The following SEMA6D variants were observed in gnomAD, a reference collection of about 807,000 sequenced individuals.
SEMA6D encodes semaphorin-6D.
SEMA6D carries 35 observed loss-of-function variants against 106.6 expected under a neutral mutation model. The observed-to-expected ratio is 0.33, with a 90% CI of 0.25 to 0.44. The LOEUF is 0.44. SEMA6D is among the 20% of genes least tolerant of loss of function. The probability of loss-of-function intolerance (pLI) is 1.00; values close to 1 mark genes in which losing one functional copy is unlikely to be tolerated. For missense variants in SEMA6D, 1,185 were observed against 1,345.9 expected, an observed-to-expected ratio of 0.88 and a Z score of 1.87; for synonymous variants, 499 against 487.7, an observed-to-expected ratio of 1.02 and a Z score of -0.31.
At chr15:47,314,848 T>A (rs1267496499) in intron 1 of SEMA6D, among the ~76,000 whole-genome samples, 2 of 105,518 alleles carry the variant, frequency 1.9e-5, no homozygotes. Context: ...ATCTAGGTTT[T>A]CTTTTTTTTT....
Position 47,486,606 on chromosome 15 carries a change from T to C in SEMA6D, c.-87+16061T>C, listed in dbSNP as rs187173665. Among the ~76,000 whole-genome samples, 27 of 152,296 alleles carry C rather than the reference T, an allele frequency of 1.8e-4. No individual in the cohort carries two copies. The East Asian group carries it at 5.0e-3, about 28-fold the overall frequency. ...ACCTACCAAAGAACTACATCTGTTA[T>C]CTTGGCCTCATATGCACCCTGCTGA... On this transcript the variant is annotated intron_variant, in intron 3 of 19. Transcript: ENST00000558014.
intron 3 of SEMA6D, among the ~76,000 whole-genome samples, chr15:47,566,210 C>T (rs2046225361): frequency 6.6e-6 from 1 of 152,180 alleles, no homozygotes; most frequent in Admixed American, 6.5e-5. Context: ...TTGGGATTCA[C>T]AAGAGTCAGA....
At chr15:47,404,611 C>T (rs990234554) in intron 1 of SEMA6D, among the ~76,000 whole-genome samples, 1 of 152,136 alleles carries the variant, frequency 6.6e-6, no homozygotes, top group Non-Finnish European at 1.5e-5. Flanking sequence ...AAGTTACCCT[C>T]AGGGATGGGC....
chr15:47,360,074 A>C (rs573118675), intron 1 of SEMA6D: 2 of 152,150 alleles, frequency 1.3e-5, no homozygotes, highest in South Asian at 4.1e-4. Context: ...CAAGGACATA[A>C]ATTTTCCAGA....
At chr15:47,569,070 T>C (rs1397270991) in intron 3 of SEMA6D, among the ~76,000 whole-genome samples, 1 of 152,138 alleles carries the variant, frequency 6.6e-6, no homozygotes, top group East Asian at 1.9e-4. Flanking sequence ...TAGAACCCAT[T>C]TCAGTTTGAA....
chr15:47,203,595 A>G (rs1376714847), intron 1 of SEMA6D, among the ~76,000 whole-genome samples: 1 of 152,072 alleles, frequency 6.6e-6, no homozygotes, highest in African/African-American at 2.4e-5. Context: ...AGCTTCAACC[A>G]TCTGGCCCAT....
intron 3 of SEMA6D, among the ~76,000 whole-genome samples, chr15:47,498,390 C>CA (rs957642070): frequency 1.3e-5 from 2 of 152,108 alleles, no homozygotes; most frequent in African/African-American, 4.8e-5. Context: ...CCCTTTCTTG[C>CA]ATCTCTCACC....
chr15:47,325,945 C>G (rs1164952430), intron 1 of SEMA6D, among the ~76,000 whole-genome samples: 2 of 152,192 alleles, frequency 1.3e-5, no homozygotes, highest in African/African-American at 4.8e-5. Context: ...GAAGAAAACT[C>G]ATGTAACTAG....
At chr15:47,358,861 A>G (rs1263520586) in intron 1 of SEMA6D, among the ~76,000 whole-genome samples, 1 of 152,192 alleles carries the variant, frequency 6.6e-6, no homozygotes. Flanking sequence ...TTTAAACATG[A>G]ATTCTGGGTG....
At chr15:47,484,895 C>T (rs1231463675) in intron 3 of SEMA6D, among the ~76,000 whole-genome samples, 1 of 152,116 alleles carries the variant, frequency 6.6e-6, no homozygotes, top group Non-Finnish European at 1.5e-5. Flanking sequence ...AAAATGAATG[C>T]CATGTGATGT....
chr15:47,239,875 T>C (rs920311018), intron 1 of SEMA6D, among the ~76,000 whole-genome samples: 3 of 152,222 alleles, frequency 2.0e-5, no homozygotes, highest in Non-Finnish European at 4.4e-5. Context: ...TTTGTATTGT[T>C]GTTGTTATCT....
At chr15:47,584,429 A>AG (rs1300200319) in intron 3 of SEMA6D, among the ~76,000 whole-genome samples, 22 of 144,798 alleles carry the variant, frequency 1.5e-4, no homozygotes, top group Non-Finnish European at 2.5e-4. Flanking sequence ...GTCTCAGGGG[A>AG]AAAAAAAAAA....
chr15:47,762,122 G>T, intron 7 of SEMA6D, 78 bp from the exon 8 acceptor site: 3 of 1,548,306 alleles, frequency 1.9e-6, no homozygotes, highest in Admixed American at 1.7e-5. Flanking sequence ...GCGCTCCAAA[G>T]GGCATAACAC....
chr15:47,486,745 A>G (rs1375867097), intron 3 of SEMA6D, among the ~76,000 whole-genome samples: 1 of 152,206 alleles, frequency 6.6e-6, no homozygotes, highest in Non-Finnish European at 1.5e-5. Context: ...AGGAGAGAAG[A>G]ATTTAAACTA....
chr15:47,764,394 C>T (rs998841609), intron 11 of SEMA6D, 89 bp downstream of exon 11: 1 of 1,472,244 alleles, frequency 6.8e-7, no homozygotes, highest in Middle Eastern at 1.8e-4. Flanking sequence ...CTTGGCCAAC[C>T]TCCCACACCA....
rs118105320 is a variant in SEMA6D, at chr15:47,574,161, A to T, written c.-86-26704A>T. Among the ~76,000 whole-genome samples, 1,511 of 152,366 alleles carry T rather than the reference A, an allele frequency of 9.9e-3. 10 individuals carry two copies. Among genetic ancestry groups the T allele is most frequent in the Admixed American group, 0.021 (319 of 15,306 alleles). On this transcript the variant is annotated intron_variant, in intron 3 of 19. Coordinates refer to the SEMA6D transcript ENST00000558014. ...CTAGAAAATTCACTTGACTTTTGTC[A>T]TCTGTAAAGATGAAAAGAATATTAG... is the stretch of plus-strand genomic sequence containing the variant.
intron 3 of SEMA6D, among the ~76,000 whole-genome samples, chr15:47,574,791 A>T (rs1288595409): frequency 6.6e-6 from 1 of 152,178 alleles, no homozygotes; most frequent in Non-Finnish European, 1.5e-5. Context: ...GTTCTTTTGG[A>T]TAGAGCCTGA....
intron 3 of SEMA6D, among the ~76,000 whole-genome samples, chr15:47,474,306 C>T (rs1470333365): frequency 6.6e-6 from 1 of 152,174 alleles, no homozygotes; most frequent in Non-Finnish European, 1.5e-5. Flanking sequence ...AGAGGCCTCT[C>T]TCCTTTCAAT....
intron 1 of SEMA6D, among the ~76,000 whole-genome samples, chr15:47,368,481 T>TTTA (rs922241832): frequency 1.3e-3 from 25 of 19,904 alleles, no homozygotes; most frequent in South Asian, 7.4e-3. Flanking sequence ...TATTTATTTA[T>TTTA]TTTTTTTGAG....
Sources: allele counts gnomAD v4.1 joint callset (sites outside exome capture counted in the v4.1 genomes callset), GRCh38; gene constraint gnomAD v4.1.1; transcripts MANE v1.5; gene names NCBI Gene and HGNC (gene_info 2026-07-23, HGNC 2026-07-21).